The following REEP3 variants were observed in gnomAD, a reference collection of about 807,000 sequenced individuals.
The protein encoded by REEP3 is receptor expression-enhancing protein 3.
In REEP3, 20 loss-of-function variants were observed where a neutral mutation model predicts 41.3. That is an observed-to-expected ratio of 0.48 (90% confidence interval 0.34 to 0.70). REEP3 has a LOEUF of 0.70. Ranked by LOEUF, REEP3 falls within the 30% of genes least tolerant of loss-of-function variation. The pLI is 0.01. For missense variants in REEP3, 271 were observed against 308.8 expected (o/e 0.88, Z 0.92); for synonymous variants, 104 against 101.8 (o/e 1.02, Z -0.13).
chr10:63,542,940 G>A (rs944782782), intron 1 of REEP3, among the ~76,000 whole-genome samples: 1 of 152,104 alleles, frequency 6.6e-6, no homozygotes, highest in Admixed American at 6.6e-5. Flanking sequence ...GAGTAGCATC[G>A]TGCAGCCCTG....
chr10:63,591,127 G>GTTTTTT (rs5785582), intron 2 of REEP3, among the ~76,000 whole-genome samples: 1 of 135,946 alleles, frequency 7.4e-6, no homozygotes, highest in African/African-American at 2.6e-5. Context: ...TTTTGTTTTT[G>GTTTTTT]TTTTTTTTTT....
At chr10:63,555,132 T>G (rs1026656146) in intron 1 of REEP3, among the ~76,000 whole-genome samples, 2 of 152,228 alleles carry the variant, frequency 1.3e-5, no homozygotes, top group Admixed American at 6.5e-5. Flanking sequence ...GTTTCATAGC[T>G]TTTGATGAGT....
intron 2 of REEP3, among the ~76,000 whole-genome samples, chr10:63,570,060 A>C (rs1405998533): frequency 6.6e-6 from 1 of 152,140 alleles, no homozygotes; most frequent in Non-Finnish European, 1.5e-5. Context: ...ACAACAACAA[A>C]AAAAGACTTA....
At chr10:63,530,609 A>T (rs1306905111) in intron 1 of REEP3, among the ~76,000 whole-genome samples, 27 of 152,214 alleles carry the variant, frequency 1.8e-4, no homozygotes, top group Admixed American at 1.8e-3. Context: ...TTCCAACAAG[A>T]TTCCTTTATT....
intron 6 of REEP3, 105 bp downstream of exon 6, chr10:63,610,439 A>G: frequency 9.3e-7 from 1 of 1,079,182 alleles, no homozygotes; most frequent in African/African-American, 1.6e-5. Flanking sequence ...GAGGGAGAGC[A>G]TTAGGACAAA....
In REEP3 at chr10:63,612,495, A is replaced by T. The variant is rs548132177; in HGVS notation, c.565+2161A>T. Among the ~76,000 whole-genome samples, 4 of 152,264 alleles carry T rather than the reference A, an allele frequency of 2.6e-5. No homozygotes were observed. In the South Asian group the frequency reaches 8.3e-4, roughly 32 times the overall value. On this transcript the variant is annotated intron_variant, in intron 6 of 7. Coordinates refer to ENST00000373758, the MANE Select transcript of REEP3 (RefSeq NM_001001330.3). ...CTGGCCTTGGCATTTCTTAATATGC[A>T]TTTAAAATTAGGTGGTCAGTCACAG...
chr10:63,556,080 T>C (rs1955675745), intron 1 of REEP3, among the ~76,000 whole-genome samples: 1 of 152,200 alleles, frequency 6.6e-6, no homozygotes, highest in Admixed American at 6.5e-5. Flanking sequence ...AAAACCATTC[T>C]TATAAACTAT....
chr10:63,552,730 T>C (rs1000123431), intron 1 of REEP3, among the ~76,000 whole-genome samples: 15 of 152,202 alleles, frequency 9.9e-5, no homozygotes, highest in African/African-American at 3.6e-4. Context: ...TTATACCATT[T>C]CTCAAGTAGG....
intron 1 of REEP3, among the ~76,000 whole-genome samples, chr10:63,564,950 G>A (rs1372780564): frequency 6.6e-6 from 1 of 152,206 alleles, no homozygotes; most frequent in African/African-American, 2.4e-5. Flanking sequence ...AATGTGTGAT[G>A]CAATGCAGAC....
intron 1 of REEP3, among the ~76,000 whole-genome samples, chr10:63,565,275 C>A (rs1955787320): frequency 6.6e-6 from 1 of 152,094 alleles, no homozygotes; most frequent in Non-Finnish European, 1.5e-5. Context: ...ATTGGTCAAT[C>A]AATAAATAAA....
intron 3 of REEP3, among the ~76,000 whole-genome samples, chr10:63,597,755 A>T (rs1956129251): frequency 6.6e-6 from 1 of 152,142 alleles, no homozygotes; most frequent in Admixed American, 6.5e-5. Context: ...TCTACTAAAA[A>T]TATGAAAATT....
At chr10:63,525,273 C>T (rs1204990230) in intron 1 of REEP3, among the ~76,000 whole-genome samples, 1 of 152,146 alleles carries the variant, frequency 6.6e-6, no homozygotes, top group South Asian at 2.1e-4. Context: ...GGTTCTATTT[C>T]TTAGAAGAGG....
intron 5 of REEP3, among the ~76,000 whole-genome samples, chr10:63,607,124 A>C (rs1489529421): frequency 6.6e-6 from 1 of 152,230 alleles, no homozygotes; most frequent in African/African-American, 2.4e-5. Flanking sequence ...CATTGGATAC[A>C]TGTAATTTAC....
chr10:63,598,205 T>C (rs1268644406), intron 4 of REEP3, 61 bp downstream of exon 4: 5 of 1,259,510 alleles, frequency 4.0e-6, no homozygotes, highest in Non-Finnish European at 5.5e-6. Flanking sequence ...GGAGGCCAGG[T>C]GTGGTGGCTC....
intron 5 of REEP3, chr10:63,606,261 C>CTTTTTCTTTCTTTCTTT: frequency 1.9e-5 from 1 of 53,964 alleles, no homozygotes; most frequent in East Asian, 8.8e-4. Flanking sequence ...TAGAACTTTT[C>CTTTTTCTTTCTTTCTTT]TTTTTCTTTC....
At chr10:63,606,228 T>C (rs1812578005) in intron 5 of REEP3, 1 of 209,024 alleles carries the variant, frequency 4.8e-6, no homozygotes, top group South Asian at 1.7e-4. Flanking sequence ...CTAAGACCGC[T>C]GTTTCCATAC....
chr10:63,582,512 G>A (rs1955963990), intron 2 of REEP3, among the ~76,000 whole-genome samples: 1 of 152,044 alleles, frequency 6.6e-6, no homozygotes, highest in South Asian at 2.1e-4. Context: ...AAACATATAT[G>A]TTGATGTAAA....
chr10:63,543,269 T>C (rs1011944679), intron 1 of REEP3, among the ~76,000 whole-genome samples: 18 of 152,218 alleles, frequency 1.2e-4, no homozygotes, highest in African/African-American at 3.9e-4. Context: ...CATGTTTTAA[T>C]AACATGGAAA....
intron 1 of REEP3, chr10:63,521,804 G>T (rs1955257547): frequency 3.4e-6 from 1 of 292,946 alleles, no homozygotes; most frequent in South Asian, 1.4e-4. Flanking sequence ...CTGCGGCTGC[G>T]ACGGCGGCGG....
Sources: allele counts gnomAD v4.1 joint callset (sites outside exome capture counted in the v4.1 genomes callset), GRCh38; gene constraint gnomAD v4.1.1; transcripts MANE v1.5; gene names NCBI Gene and HGNC (gene_info 2026-07-23, HGNC 2026-07-21).